TRARG1: variants seen among roughly 807,000 people sequenced by gnomAD.
TRARG1 encodes the protein trafficking regulator of GLUT4 (SLC2A4) 1 (gene/pseudogene), also known as trafficking regulator of GLUT4 1.
Under a neutral mutation model 13.3 loss-of-function variants are expected in TRARG1, and 16 were observed. That is an observed-to-expected ratio of 1.20 (90% CI 0.81 to 1.83). The LOEUF is 1.83. TRARG1 is among the 40% of genes most tolerant of loss of function. TRARG1 has a pLI of 0.00. For missense variants in TRARG1, 250 were observed against 237.4 expected (o/e 1.05, Z -0.35); for synonymous variants, 113 against 106.2 (o/e 1.06, Z -0.39).
At position 1,285,648 on chromosome 17, in the gene TRARG1, C is replaced by T. The variant is rs1006146304; in HGVS notation, c.387+5260C>T. Among the ~76,000 whole-genome samples the T allele has an allele frequency of 4.6e-5, 7 of 151,684 alleles. No individual in the cohort carries two copies. The South Asian group carries it at 8.3e-4, about 18-fold the overall frequency. ...TGAACCAGGACTCGGGAGGCAGAGG[C>T]GGAGGTTATAGTGAGCTGAGATTGT... On this transcript the variant is annotated intron_variant, in intron 1 of 2. Transcript: ENST00000333813.
At chr17:1,296,800 C>T (rs1199066876) in intron 2 of TRARG1, among the ~76,000 whole-genome samples, 3 of 152,054 alleles carry the variant, frequency 2.0e-5, no homozygotes, top group South Asian at 2.1e-4. Flanking sequence ...CGCCTGCCAC[C>T]ACGCCCGGCT....
intron 1 of TRARG1, among the ~76,000 whole-genome samples, chr17:1,282,253 T>TATATGCACGTATATGC (rs2071985400): frequency 9.5e-6 from 1 of 105,462 alleles, no homozygotes; most frequent in Non-Finnish European, 2.1e-5. Flanking sequence ...CACGTATATG[T>TATATGCACGTATATGC]ACGTATATGT....
At chr17:1,294,261 T>C (rs1259143559) in intron 1 of TRARG1, among the ~76,000 whole-genome samples, 2 of 152,024 alleles carry the variant, frequency 1.3e-5, no homozygotes, top group Non-Finnish European at 2.9e-5. Flanking sequence ...TCATCCGTTT[T>C]AGCCGTTGAA....
chr17:1,298,551 C>A lies in TRARG1; in HGVS notation c.*287C>A. 1 of 398,682 alleles carries A rather than the reference C, an allele frequency of 2.5e-6. No individual in the cohort carries two copies. Among genetic ancestry groups the A allele is most frequent in the Non-Finnish European group, 4.4e-6 (1 of 224,986 alleles). The allele number at this position is 398,682 out of a possible 1,614,324, so 24.7% of individuals were successfully genotyped here. ...CAGCAGTCTGGCTTGTTTCTCATTC[C>A]CACAATTTCCTGGGTTCCACCAAGC... On this transcript the variant is annotated 3_prime_UTR_variant, in exon 3 of 3. Coordinates refer to ENST00000333813, the MANE Select transcript of TRARG1 (RefSeq NM_172367.3).
Position 1,291,400 on chromosome 17 carries a change from C to T in TRARG1, c.388-4091C>T, listed in dbSNP as rs556587395. Among the ~76,000 whole-genome samples, 18 of 152,328 alleles carry T rather than the reference C, an allele frequency of 1.2e-4. No individual in the cohort carries two copies. In the South Asian group the frequency reaches 3.5e-3, roughly 30 times the overall value. ...TGCTGGGATTACAGGCGTGAGCCAC[C>T]GCGCCTACCAATCTGATGGTTTTAT... On this transcript the variant is annotated intron_variant, in intron 1 of 2. Coordinates refer to ENST00000333813, the MANE Select transcript of TRARG1 (RefSeq NM_172367.3).
chr17:1,285,335 C>A (rs932934598), intron 1 of TRARG1, among the ~76,000 whole-genome samples: 1 of 150,950 alleles, frequency 6.6e-6, no homozygotes, highest in Admixed American at 6.6e-5. Flanking sequence ...TACTTAAACC[C>A]GGGCGGCAGA....
intron 1 of TRARG1, among the ~76,000 whole-genome samples, chr17:1,294,501 T>C (rs1410417771): frequency 6.9e-6 from 1 of 145,422 alleles, no homozygotes; most frequent in African/African-American, 2.6e-5. Flanking sequence ...GCAGTCTCAC[T>C]GTGTCACCAG....
At chr17:1,292,945 G>A (rs1327200620) in intron 1 of TRARG1, among the ~76,000 whole-genome samples, 1 of 152,154 alleles carries the variant, frequency 6.6e-6, no homozygotes, top group East Asian at 1.9e-4. Context: ...TGAATCGGGG[G>A]CGTGGGGAGA....
chr17:1,294,842 C>T (rs149724222), intron 1 of TRARG1, among the ~76,000 whole-genome samples: 27,882 of 151,836 alleles, frequency 0.18, 2,665 homozygotes, highest in Admixed American at 0.25. Context: ...TGCACCACCA[C>T]GCCCAGCTAA....
intron 1 of TRARG1, among the ~76,000 whole-genome samples, chr17:1,282,308 A>ATATG (rs2071988168): frequency 6.6e-6 from 1 of 151,822 alleles, no homozygotes; most frequent in African/African-American, 2.4e-5. Flanking sequence ...ATATGTACAT[A>ATATG]TGCGTATATA....
At chr17:1,282,334 G>A (rs898230422) in intron 1 of TRARG1, among the ~76,000 whole-genome samples, 4 of 148,428 alleles carry the variant, frequency 2.7e-5, no homozygotes, top group Non-Finnish European at 4.5e-5. Flanking sequence ...ATATATGTAC[G>A]TATATGTACA....
At chr17:1,295,383 G>A (rs1370551381) in intron 1 of TRARG1, 108 bp from the exon 2 acceptor site, 3 of 1,377,966 alleles carry the variant, frequency 2.2e-6, no homozygotes, top group Non-Finnish European at 9.7e-7. Flanking sequence ...GGGACGGGAT[G>A]TGTCTGGAGG....
At chr17:1,291,231 C>G (rs1309476149) in intron 1 of TRARG1, among the ~76,000 whole-genome samples, 2 of 152,166 alleles carry the variant, frequency 1.3e-5, no homozygotes, top group Admixed American at 1.3e-4. Flanking sequence ...CTGCTTCAGC[C>G]TCCTGAGTAG....
In TRARG1 at chr17:1,299,315, G is replaced by C. The variant is rs1172609971; in HGVS notation, c.*1051G>C. On this transcript the variant is annotated 3_prime_UTR_variant, in exon 3 of 3. Transcript: ENST00000333813. ...CCACCCCTGGGGGGACTTCCCAAAG[G>C]GTCCCAGGCTGTCAGGGGCGTTTGC... The C allele has an allele frequency of 6.6e-6, 1 of 152,270 alleles. No individual in the cohort carries two copies. The highest frequency in any genetic ancestry group is 1.5e-5 in the Non-Finnish European group (1 of 68,082). The allele number at this position is 152,270 out of a possible 1,614,324, so 9.4% of individuals were successfully genotyped here.
At chr17:1,286,450 T>G (rs34842089) in intron 1 of TRARG1, among the ~76,000 whole-genome samples, 36,252 of 101,084 alleles carry the variant, frequency 0.36, 4,928 homozygotes, top group African/African-American at 0.47. Context: ...GGCCTGTGAG[T>G]TGTTATCGGC....
chr17:1,285,139 G>A (rs1022836154), intron 1 of TRARG1, among the ~76,000 whole-genome samples: 21 of 152,172 alleles, frequency 1.4e-4, no homozygotes, highest in African/African-American at 4.8e-4. Flanking sequence ...CTGGCTGGGT[G>A]CAGTGGCTCG....
rs529035552 is a variant in TRARG1, at chr17:1,280,731, G to A, written c.387+343G>A. On this transcript the variant is annotated intron_variant, in intron 1 of 2. Transcript: ENST00000333813. ...GGGGTCTTGCTGTTTTAGGAGGGAC[G>A]GGCGGTCCCAAAGGGTCATCGCCAA... 2.3e-4 allele frequency among the ~76,000 whole-genome samples: 35 copies of A among 152,254 alleles called. 1 individual carries two copies. The highest frequency in any genetic ancestry group is 1.2e-3 in the South Asian group (6 of 4,822).
Position 1,298,680 on chromosome 17 carries a change from G to C in TRARG1, c.*416G>C, listed in dbSNP as rs571289012. 4.9e-6 allele frequency: 1 copy of C among 203,362 alleles called. No individual in the cohort carries two copies. Among genetic ancestry groups the C allele is most frequent in the Non-Finnish European group, 9.8e-6 (1 of 101,870 alleles). The allele number at this position is 203,362 out of a possible 1,614,324, so 12.6% of individuals were successfully genotyped here. A position where few individuals can be genotyped will look rare whatever the true frequency, so the allele number is the denominator to read the frequency against. ...GAGCTCCTTCCTGTCTGTGGACTCG[G>C]AGCAAAGACGTGGGGCCCCATCTTT... is the stretch of plus-strand genomic sequence containing the variant. On this transcript the variant is annotated 3_prime_UTR_variant, in exon 3 of 3. Transcript: ENST00000333813.
chr17:1,281,944 A>G (rs1384621306), intron 1 of TRARG1, among the ~76,000 whole-genome samples: 1 of 151,920 alleles, frequency 6.6e-6, no homozygotes, highest in Admixed American at 6.6e-5. Context: ...ACATGTACAT[A>G]TATGCACATA....
Sources: gnomAD v4.1 joint callset for allele counts (sites outside exome capture counted in the v4.1 genomes callset) on GRCh38, gnomAD v4.1.1 for gene constraint, MANE v1.5 for transcripts, NCBI Gene and HGNC (gene_info 2026-07-23, HGNC 2026-07-21) for gene names.